Variants in KANK1 observed in about 807,000 individuals in gnomAD.
KANK1 encodes KN motif and ankyrin repeat domains 1.
Under a neutral mutation model 106.2 loss-of-function variants are expected in KANK1, and 109 were observed. That is an observed-to-expected ratio of 1.03 (90% CI 0.88 to 1.20). The LOEUF (loss-of-function observed/expected upper bound fraction) is 1.20. KANK1 is among the 50% of genes most tolerant of loss of function. The probability of loss-of-function intolerance (pLI) is 0.00; values close to 1 mark genes in which losing one functional copy is unlikely to be tolerated. For synonymous variants in KANK1, 873 were observed against 652.2 expected (o/e 1.34, Z -5.16); for missense variants, 2,399 against 1,710.7 (o/e 1.40, Z -7.10).
intron 1 of KANK1, among the ~76,000 whole-genome samples, chr9:550,401 C>G (rs905132444): frequency 6.6e-6 from 1 of 152,120 alleles, no homozygotes; most frequent in African/African-American, 2.4e-5. Context: ...TTGCAGATCT[C>G]GAACAGTATA....
chr9:604,745 G>C (rs142259312), intron 1 of KANK1, among the ~76,000 whole-genome samples: 1 of 151,644 alleles, frequency 6.6e-6, no homozygotes, highest in Non-Finnish European at 1.5e-5. Context: ...CAGGAGAATC[G>C]ATTGAACCTG....
chr9:664,284 A>G (rs1844059077), intron 1 of KANK1, among the ~76,000 whole-genome samples: 4 of 152,060 alleles, frequency 2.6e-5, no homozygotes, highest in Admixed American at 2.6e-4. Flanking sequence ...CATGAGATTC[A>G]GTTTTGTAGC....
chr9:604,963 A>G (rs566003209), intron 1 of KANK1, among the ~76,000 whole-genome samples: 98 of 152,004 alleles, frequency 6.4e-4, no homozygotes, highest in African/African-American at 2.1e-3. Flanking sequence ...GACTAATGCA[A>G]TTGGGCAATG....
intron 1 of KANK1, among the ~76,000 whole-genome samples, chr9:602,525 T>A (rs1469202959): frequency 6.6e-6 from 1 of 151,870 alleles, no homozygotes; most frequent in Non-Finnish European, 1.5e-5. Flanking sequence ...CCCAAAGTGC[T>A]GGGATTATAG....
chr9:567,722 T>A lies in KANK1; in HGVS notation c.-84+62968T>A, dbSNP rs191341022. ...TCCTCTGAAAGGCAGCACTTCTTGA[T>A]AAGTCCCTTCCTCATGGAACTTTGG... On this transcript the variant is annotated intron_variant, in intron 1 of 11. Transcript: ENST00000382297. Among the ~76,000 whole-genome samples the A allele has an allele frequency of 1.6e-3, 250 of 152,366 alleles. 2 individuals are homozygous for A. The highest frequency in any genetic ancestry group is 5.7e-3 in the African/African-American group (237 of 41,592).
At chr9:561,711 C>T (rs1045679711) in intron 1 of KANK1, among the ~76,000 whole-genome samples, 3 of 152,166 alleles carry the variant, frequency 2.0e-5, no homozygotes, top group African/African-American at 4.8e-5. Context: ...GAATGTTGGA[C>T]AGTGATCTAA....
rs1360688904 is a variant in KANK1, at chr9:514,250, TCCTCCCTCCGTCCCTC to T, written c.-84+9500_-84+9515del. ...TCCCTCCCTCCCTCCCTTCCTTCCT[TCCTCCCTCCGTCCCTC>T]CCTTCCTTCCTTCCTTCCTATTCAT... On this transcript the variant is annotated intron_variant, in intron 1 of 11. Coordinates refer to ENST00000382297, the MANE Select transcript of KANK1 (RefSeq NM_015158.5). Among the ~76,000 whole-genome samples the T allele has an allele frequency of 1.6e-4, 12 of 73,314 alleles. 1 individual carries two copies. Among genetic ancestry groups the T allele is most frequent in the Admixed American group, 6.9e-4 (6 of 8,714 alleles). The allele number at this position is 73,314 out of a possible 152,430, so 48.1% of individuals were successfully genotyped here.
chr9:723,972 G>T lies in KANK1; in HGVS notation c.2699-6079G>T, dbSNP rs548522015. Among the ~76,000 whole-genome samples, 168 of 149,138 alleles carry T rather than the reference G, an allele frequency of 1.1e-3. 2 individuals carry two copies. Among genetic ancestry groups the T allele is most frequent in the African/African-American group, 4.0e-3 (163 of 40,572 alleles). On this transcript the variant is annotated intron_variant, in intron 3 of 11. Coordinates refer to ENST00000382297, the MANE Select transcript of KANK1 (RefSeq NM_015158.5). ...AAAAAAAGAAGCCAGGCGTGGTTTT[G>T]TACGTCTGTGGTCCCAGCTATTTGG...
intron 1 of KANK1, among the ~76,000 whole-genome samples, chr9:630,910 A>G (rs1164434032): frequency 6.6e-6 from 1 of 151,804 alleles, no homozygotes; most frequent in African/African-American, 2.4e-5. Flanking sequence ...AGCCGAGATC[A>G]TGCCGCCACA....
chr9:582,239 G>T (rs749055654), intron 1 of KANK1, among the ~76,000 whole-genome samples: 1 of 152,152 alleles, frequency 6.6e-6, no homozygotes, highest in Non-Finnish European at 1.5e-5. Context: ...GAGTATGGGG[G>T]GTGTGTGTGG....
chr9:596,419 C>G (rs1826220986), intron 1 of KANK1, among the ~76,000 whole-genome samples: 1 of 151,786 alleles, frequency 6.6e-6, no homozygotes, highest in Non-Finnish European at 1.5e-5. Context: ...AGACTAAAGG[C>G]AACCAAGGCT....
At chr9:515,869 C>T (rs1398584026) in intron 1 of KANK1, among the ~76,000 whole-genome samples, 2 of 151,744 alleles carry the variant, frequency 1.3e-5, no homozygotes, top group Non-Finnish European at 2.9e-5. Context: ...TTCAAGGAAA[C>T]CTCACGTGTG....
At chr9:678,489 G>A (rs1816846593) in intron 2 of KANK1, among the ~76,000 whole-genome samples, 1 of 152,108 alleles carries the variant, frequency 6.6e-6, no homozygotes, top group Admixed American at 6.6e-5. Flanking sequence ...AGCATTTTGG[G>A]AGGCCGAGGG....
intron 1 of KANK1, among the ~76,000 whole-genome samples, chr9:542,277 A>C (rs980102668): frequency 6.6e-6 from 1 of 152,264 alleles, no homozygotes; most frequent in African/African-American, 2.4e-5. Context: ...AGGCAGGCAG[A>C]TCACTTGAGG....
chr9:496,353 A>C (rs2058459058), intron 3 of KANK1, among the ~76,000 whole-genome samples: 1 of 152,212 alleles, frequency 6.6e-6, no homozygotes, highest in East Asian at 1.9e-4. Context: ...CAGGAGTTCC[A>C]GACCAGCCTG....
chr9:734,239 T>C (rs1361439188), intron 6 of KANK1: 2 of 152,322 alleles, frequency 1.3e-5, no homozygotes, highest in African/African-American at 4.8e-5. Flanking sequence ...AATCTCTGGC[T>C]GGAGGTGTTG....
chr9:471,103 T>C (rs2058011786), intron 2 of KANK1: 1 of 152,226 alleles, frequency 6.6e-6, no homozygotes, highest in Non-Finnish European at 1.5e-5. Context: ...AGCTAGCTTA[T>C]GTAGAAATTT....
chr9:690,945 GTA>G (rs1819771666), intron 2 of KANK1, among the ~76,000 whole-genome samples: 1 of 152,190 alleles, frequency 6.6e-6, no homozygotes, highest in Non-Finnish European at 1.5e-5. Context: ...CAAGCCTTGA[GTA>G]TATCTTCATC....
chr9:541,021 T>C (rs931157717), intron 1 of KANK1, among the ~76,000 whole-genome samples: 1 of 152,098 alleles, frequency 6.6e-6, no homozygotes, highest in Non-Finnish European at 1.5e-5. Flanking sequence ...TAAAGTTAAG[T>C]GTATTTGAGC....
Sources: gnomAD v4.1 joint callset for allele counts (sites outside exome capture counted in the v4.1 genomes callset) on GRCh38, gnomAD v4.1.1 for gene constraint, MANE v1.5 for transcripts, NCBI Gene and HGNC (gene_info 2026-07-23, HGNC 2026-07-21) for gene names.